The following GRID2 variants were observed in gnomAD, a reference collection of about 807,000 sequenced individuals.
The protein encoded by GRID2 is glutamate ionotropic receptor delta type subunit 2.
In GRID2, 33 loss-of-function variants were observed where a neutral mutation model predicts 114.8. The observed-to-expected ratio is 0.29, with a 90% confidence interval of 0.22 to 0.38. The LOEUF is 0.38. Ranked by LOEUF, GRID2 falls within the 10% of genes least tolerant of loss-of-function variation. The pLI, the probability that GRID2 is intolerant of heterozygous loss-of-function variation, is 1.00. For synonymous variants in GRID2, 505 were observed against 449.9 expected, an observed-to-expected ratio of 1.12 and a Z score of -1.55; for missense variants, 1,184 against 1,257.7, an observed-to-expected ratio of 0.94 and a Z score of 0.89.
intron 1 of GRID2, among the ~76,000 whole-genome samples, chr4:92,571,181 C>G (rs188612969): frequency 1.3e-5 from 2 of 152,076 alleles, no homozygotes; most frequent in Non-Finnish European, 2.9e-5. Flanking sequence ...TATGGAAGGT[C>G]TTTTCTGAAT....
In GRID2 at chr4:92,661,283, A is replaced by C. The variant is rs1732501663; in HGVS notation, c.244+70997A>C. On this transcript the variant is annotated intron_variant, in intron 2 of 15. Transcript: ENST00000282020. ...TATCTAATTATAATTATGACAAATA[A>C]CATTAAAAAGTCACCCTGTTTAAAA... Among the ~76,000 whole-genome samples, 3 of 151,094 alleles carry C rather than the reference A, an allele frequency of 2.0e-5. No homozygotes were observed. In the Admixed American group the frequency reaches 2.0e-4, roughly 10 times the overall value.
chr4:93,545,640 A>G (rs969112026), intron 13 of GRID2, among the ~76,000 whole-genome samples: 6 of 152,216 alleles, frequency 3.9e-5, no homozygotes, highest in African/African-American at 1.2e-4. Context: ...ATCTCTTCCC[A>G]GCTCCATGTT....
At chr4:93,612,412 G>A (rs1362128515) in intron 13 of GRID2, among the ~76,000 whole-genome samples, 1 of 145,532 alleles carries the variant, frequency 6.9e-6, no homozygotes, top group Non-Finnish European at 1.5e-5. Flanking sequence ...AGTCTCGATG[G>A]GCTTTACATT....
chr4:92,620,831 T>C (rs1347031006), intron 2 of GRID2, among the ~76,000 whole-genome samples: 5 of 151,056 alleles, frequency 3.3e-5, no homozygotes, highest in African/African-American at 7.3e-5. Flanking sequence ...TTAGGAGATA[T>C]ACCTAATGCT....
intron 1 of GRID2, among the ~76,000 whole-genome samples, chr4:92,422,063 A>T (rs1380863900): frequency 6.6e-6 from 1 of 152,144 alleles, no homozygotes; most frequent in Non-Finnish European, 1.5e-5. Flanking sequence ...GGATGAGATG[A>T]GGCTTCCCTT....
intron 14 of GRID2, among the ~76,000 whole-genome samples, chr4:93,644,457 A>C (rs949846702): frequency 1.3e-5 from 2 of 152,152 alleles, no homozygotes; most frequent in Non-Finnish European, 2.9e-5. Flanking sequence ...TAAGGTTTTT[A>C]ATCTTTATCC....
At chr4:93,433,485 A>G (rs527703048) in intron 10 of GRID2, among the ~76,000 whole-genome samples, 1 of 152,320 alleles carries the variant, frequency 6.6e-6, no homozygotes, top group Admixed American at 6.5e-5. Flanking sequence ...TTGAGTATCT[A>G]AGAAAGGCAA....
intron 14 of GRID2, among the ~76,000 whole-genome samples, chr4:93,761,236 G>A (rs1451737815): frequency 6.6e-6 from 1 of 152,198 alleles, no homozygotes; most frequent in African/African-American, 2.4e-5. Flanking sequence ...TGGAATAGGA[G>A]TCACCATCTC....
chr4:93,237,697 G>A (rs566478811), intron 7 of GRID2, among the ~76,000 whole-genome samples: 2 of 151,922 alleles, frequency 1.3e-5, no homozygotes, highest in African/African-American at 4.8e-5. Flanking sequence ...AGAGAAGTAT[G>A]ACCTACATTG....
chr4:92,696,465 TTTTA>T lies in GRID2; in HGVS notation c.244+106183_244+106186del, dbSNP rs1467422203. ...TAATTTTGACAGGAGTTAATTTTCC[TTTTA>T]TTTGTTAACTCCCAGATAATTTACT... On this transcript the variant is annotated intron_variant, in intron 2 of 15. Coordinates refer to ENST00000282020, the MANE Select transcript of GRID2 (RefSeq NM_001510.4). Among the ~76,000 whole-genome samples, 5 of 152,306 alleles carry T rather than the reference TTTTA, an allele frequency of 3.3e-5. No individual in the cohort carries two copies. In the East Asian group the frequency reaches 5.8e-4, roughly 18 times the overall value.
chr4:92,781,640 T>C (rs1260342733), intron 2 of GRID2, among the ~76,000 whole-genome samples: 1 of 152,100 alleles, frequency 6.6e-6, no homozygotes, highest in African/African-American at 2.4e-5. Flanking sequence ...ACTATGTATA[T>C]ATGTTATACT....
chr4:93,271,691 T>A (rs1005167949), intron 8 of GRID2, among the ~76,000 whole-genome samples: 3 of 152,178 alleles, frequency 2.0e-5, no homozygotes, highest in African/African-American at 7.2e-5. Flanking sequence ...ATAGGACCTG[T>A]CTAAATTTTT....
At chr4:92,717,027 G>T (rs1434270930) in intron 2 of GRID2, among the ~76,000 whole-genome samples, 1 of 152,102 alleles carries the variant, frequency 6.6e-6, no homozygotes, top group African/African-American at 2.4e-5. Flanking sequence ...ACTCCTCAAA[G>T]GATGCTGCCC....
At chr4:92,595,715 TAAAA>T (rs1376691146) in intron 2 of GRID2, among the ~76,000 whole-genome samples, 2 of 152,082 alleles carry the variant, frequency 1.3e-5, no homozygotes, top group African/African-American at 2.4e-5. Context: ...TTTATAGTTA[TAAAA>T]ATACATACAT....
intron 8 of GRID2, among the ~76,000 whole-genome samples, chr4:93,294,921 T>TC (rs113097066): frequency 0.054 from 8,219 of 152,202 alleles, 748 homozygotes; most frequent in African/African-American, 0.19. Flanking sequence ...AAAATAGAGT[T>TC]CCTTTATTTG....
At chr4:93,263,964 A>T (rs1750528998) in intron 8 of GRID2, among the ~76,000 whole-genome samples, 1 of 152,152 alleles carries the variant, frequency 6.6e-6, no homozygotes, top group Non-Finnish European at 1.5e-5. Flanking sequence ...GTTTTAGGGC[A>T]GTTCAGAAAA....
chr4:93,550,253 G>T lies in GRID2; in HGVS notation c.2193+34842G>T, dbSNP rs1346498122. ...CCAGCCACACCTGGCTTTTTCTGAG[G>T]TTTTTAAATCTAATTTTTTAAACTA... On this transcript the variant is annotated intron_variant, in intron 13 of 15. Coordinates refer to ENST00000282020, the MANE Select transcript of GRID2 (RefSeq NM_001510.4). 2.6e-5 allele frequency among the ~76,000 whole-genome samples: 4 copies of T among 151,966 alleles called. No individual in the cohort carries two copies. The East Asian group carries it at 5.8e-4, about 22-fold the overall frequency.
Position 93,212,635 on chromosome 4 carries a change from T to C in GRID2, c.790-4103T>C, listed in dbSNP as rs141854937. 2.6e-5 allele frequency among the ~76,000 whole-genome samples: 4 copies of C among 152,296 alleles called. No individual in the cohort carries two copies. In the East Asian group the frequency reaches 7.7e-4, roughly 29 times the overall value. ...CTTCATATACCCTTCTATTGCCTGATAATATCAAATATGACCTTTGTTGTC... is the reference window on the plus strand; with the variant it reads ...CTTCATATACCCTTCTATTGCCTGACAATATCAAATATGACCTTTGTTGTC... On this transcript the variant is annotated intron_variant, in intron 5 of 15. Transcript: ENST00000282020.
chr4:93,598,483 G>A (rs1739335933), intron 13 of GRID2, among the ~76,000 whole-genome samples: 1 of 151,986 alleles, frequency 6.6e-6, no homozygotes, highest in Non-Finnish European at 1.5e-5. Flanking sequence ...GTTTCTAATA[G>A]GTTTCTTGCT....
Sources: allele counts gnomAD v4.1 joint callset (sites outside exome capture counted in the v4.1 genomes callset), GRCh38; gene constraint gnomAD v4.1.1; transcripts MANE v1.5; gene names NCBI Gene and HGNC (gene_info 2026-07-23, HGNC 2026-07-21).